Variants in GALNTL6 observed in about 807,000 individuals in gnomAD.
GALNTL6 encodes the protein polypeptide N-acetylgalactosaminyltransferase like 6, also known as polypeptide N-acetylgalactosaminyltransferase-like 6.
GALNTL6 carries 46 observed loss-of-function variants against 73.7 expected under a neutral mutation model. The observed-to-expected ratio is 0.62, with a 90% CI of 0.49 to 0.80. GALNTL6 has a LOEUF of 0.80. GALNTL6 is among the 30% of genes least tolerant of loss of function. The probability of loss-of-function intolerance (pLI) is 0.00; values close to 1 mark genes in which losing one functional copy is unlikely to be tolerated. For missense variants in GALNTL6, 604 were observed against 755.0 expected (o/e 0.80, Z 2.34); for synonymous variants, 259 against 263.7 (o/e 0.98, Z 0.17).
intron 2 of GALNTL6, among the ~76,000 whole-genome samples, chr4:171,958,017 G>C (rs887513254): frequency 8.5e-5 from 13 of 152,122 alleles, no homozygotes; most frequent in Non-Finnish European, 1.3e-4. Flanking sequence ...GATCAGAAAA[G>C]CACCTTTGTG....
chr4:173,016,561 C>T (rs116554072), intron 11 of GALNTL6, among the ~76,000 whole-genome samples: 1 of 152,108 alleles, frequency 6.6e-6, no homozygotes, highest in Admixed American at 6.5e-5. Flanking sequence ...TTGCATGGGG[C>T]CTTTAGTCCC....
chr4:172,380,116 A>C (rs1743225585), intron 5 of GALNTL6: 6 of 1,003,634 alleles, frequency 6.0e-6, no homozygotes, highest in Non-Finnish European at 6.4e-6. Flanking sequence ...GCTCCTCTGC[A>C]TCATTTGCTA....
chr4:172,949,401 CATT>C lies in GALNTL6; in HGVS notation c.1150-2631_1150-2629del, dbSNP rs1241517699. Among the ~76,000 whole-genome samples, 13 of 152,248 alleles carry C rather than the reference CATT, an allele frequency of 8.5e-5. No homozygotes were observed. In the South Asian group the frequency reaches 2.1e-3, roughly 24 times the overall value. ...TTTTTTCTTAAGAAAATCACTTTCT[CATT>C]ATTACTAGGTCATTTGCTTCTGCTT... On this transcript the variant is annotated intron_variant, in intron 9 of 12. Transcript: ENST00000506823.
chr4:172,155,305 C>T (rs1033990272), intron 2 of GALNTL6, among the ~76,000 whole-genome samples: 2 of 152,048 alleles, frequency 1.3e-5, no homozygotes, highest in African/African-American at 2.4e-5. Context: ...GCCATCGTAC[C>T]CTTTTAAAAT....
chr4:172,476,501 G>A (rs1292497568), intron 5 of GALNTL6, among the ~76,000 whole-genome samples: 1 of 152,150 alleles, frequency 6.6e-6, no homozygotes, highest in African/African-American at 2.4e-5. Context: ...GCTTGAAGCC[G>A]TCTACATTTG....
At chr4:171,851,661 C>CT (rs1453192749) in intron 2 of GALNTL6, among the ~76,000 whole-genome samples, 2 of 152,102 alleles carry the variant, frequency 1.3e-5, no homozygotes, top group Admixed American at 6.5e-5. Context: ...AAAATGTTAT[C>CT]TTTTTTGGGT....
intron 2 of GALNTL6, among the ~76,000 whole-genome samples, chr4:171,849,615 CTAAA>C (rs1361555417): frequency 6.6e-6 from 1 of 151,922 alleles, no homozygotes; most frequent in Admixed American, 6.6e-5. Context: ...TAATGTAAGT[CTAAA>C]TAGGTAAATT....
At chr4:172,866,287 C>A (rs555011861) in intron 7 of GALNTL6, among the ~76,000 whole-genome samples, 1 of 151,934 alleles carries the variant, frequency 6.6e-6, no homozygotes, top group Non-Finnish European at 1.5e-5. Context: ...AGTGCATATA[C>A]GAGAGAGAGG....
intron 5 of GALNTL6, among the ~76,000 whole-genome samples, chr4:172,581,217 A>C (rs1737174027): frequency 6.6e-6 from 1 of 152,220 alleles, no homozygotes; most frequent in Non-Finnish European, 1.5e-5. Flanking sequence ...CCATAAAGCA[A>C]ATGTAGTACA....
At chr4:172,862,382 G>T (rs1236326309) in intron 7 of GALNTL6, among the ~76,000 whole-genome samples, 2 of 152,298 alleles carry the variant, frequency 1.3e-5, no homozygotes, top group Non-Finnish European at 2.9e-5. Context: ...AAGCGGCAAA[G>T]TGTTCAAAAG....
intron 8 of GALNTL6, among the ~76,000 whole-genome samples, chr4:172,918,370 A>G (rs975525973): frequency 2.0e-5 from 3 of 152,128 alleles, no homozygotes; most frequent in Non-Finnish European, 4.4e-5. Context: ...CATGTACCCT[A>G]GAACTTAAAG....
At position 172,759,902 on chromosome 4, in the gene GALNTL6, T is replaced by C. The variant is rs548310025; in HGVS notation, c.554-49459T>C. Among the ~76,000 whole-genome samples the C allele has an allele frequency of 2.6e-3, 357 of 136,180 alleles. 1 individual carries two copies. Among genetic ancestry groups the C allele is most frequent in the Admixed American group, 4.4e-3 (53 of 12,180 alleles). 89.3% of individuals were successfully genotyped at this position (136,180 alleles called of 152,430 possible). On this transcript the variant is annotated intron_variant, in intron 5 of 12. Coordinates refer to ENST00000506823, the MANE Select transcript of GALNTL6 (RefSeq NM_001034845.3). ...CGGACTGCGGACTGCAGTGGCGCAA[T>C]CTCGGCTCACTGCAAGCTCTGCTTC... is the stretch of plus-strand genomic sequence containing the variant.
At chr4:172,398,706 C>A (rs1367564733) in intron 5 of GALNTL6, among the ~76,000 whole-genome samples, 2 of 152,142 alleles carry the variant, frequency 1.3e-5, no homozygotes, top group Non-Finnish European at 2.9e-5. Flanking sequence ...TATAATATAT[C>A]AACTCTACAA....
chr4:171,961,195 G>A (rs1041292618), intron 2 of GALNTL6, among the ~76,000 whole-genome samples: 1 of 152,142 alleles, frequency 6.6e-6, no homozygotes. Context: ...GACTGAAATG[G>A]CATACTTTCT....
At chr4:172,042,454 T>C (rs1742110368) in intron 2 of GALNTL6, among the ~76,000 whole-genome samples, 1 of 151,996 alleles carries the variant, frequency 6.6e-6, no homozygotes, top group Non-Finnish European at 1.5e-5. Context: ...ATATATCCAA[T>C]TGCTCATTAA....
At chr4:172,576,416 A>G (rs1028373436) in intron 5 of GALNTL6, among the ~76,000 whole-genome samples, 5 of 152,244 alleles carry the variant, frequency 3.3e-5, no homozygotes, top group Non-Finnish European at 7.3e-5. Context: ...TAATGTACCC[A>G]GCCATACATT....
chr4:172,368,783 C>T (rs1335189793), intron 5 of GALNTL6, among the ~76,000 whole-genome samples: 4 of 152,186 alleles, frequency 2.6e-5, no homozygotes, highest in South Asian at 2.1e-4. Context: ...AATGAAGCCG[C>T]GGACCCTTGC....
rs140318144 is a variant in GALNTL6 at position 172,587,042 on chromosome 4, G to A, written c.554-222319G>A. Among the ~76,000 whole-genome samples, 43 of 152,280 alleles carry A rather than the reference G, an allele frequency of 2.8e-4. No individual in the cohort carries two copies. The East Asian group carries it at 4.6e-3, about 16-fold the overall frequency. On this transcript the variant is annotated intron_variant, in intron 5 of 12. Coordinates refer to ENST00000506823, the MANE Select transcript of GALNTL6 (RefSeq NM_001034845.3). ...TATTGCTTACAAGCATAAAATTATT[G>A]TAATATCCAGAAGTTTAGAGGTTAA...
At chr4:173,026,110 T>C (rs1329634398) in intron 12 of GALNTL6, among the ~76,000 whole-genome samples, 2 of 152,264 alleles carry the variant, frequency 1.3e-5, no homozygotes, top group African/African-American at 4.8e-5. Flanking sequence ...ATAGCATATG[T>C]CTTAATTTGG....
Sources: allele counts gnomAD v4.1 joint callset (sites outside exome capture counted in the v4.1 genomes callset), GRCh38; gene constraint gnomAD v4.1.1; transcripts MANE v1.5; gene names NCBI Gene and HGNC (gene_info 2026-07-23, HGNC 2026-07-21).